RAP1B: variants seen among roughly 807,000 people sequenced by gnomAD.
The protein encoded by RAP1B is RAP1B, member of RAS oncogene family, also known as ras-related protein Rap-1b.
RAP1B carries 1 observed loss-of-function variant against 27.5 expected under a neutral mutation model. The ratio of observed to expected loss-of-function variants is 0.04; its 90% CI spans 0.01 to 0.17. The LOEUF (loss-of-function observed/expected upper bound fraction) is 0.17. RAP1B is among the 10% of genes least tolerant of loss of function. RAP1B has a pLI of 1.00. For synonymous variants in RAP1B, 75 were observed against 73.1 expected (o/e 1.03, Z -0.13); for missense variants, 84 against 214.8 (o/e 0.39, Z 3.81).
At chr12:68,642,119 C>G (rs968492545) in intron 1 of RAP1B, among the ~76,000 whole-genome samples, 1 of 152,116 alleles carries the variant, frequency 6.6e-6, no homozygotes, top group South Asian at 2.1e-4. Context: ...TTGGTTAATT[C>G]ATAGACTAAA....
At chr12:68,644,532 C>T (rs1322189647) in intron 1 of RAP1B, among the ~76,000 whole-genome samples, 3 of 150,526 alleles carry the variant, frequency 2.0e-5, no homozygotes, top group African/African-American at 7.3e-5. Context: ...TGCAGTGAGT[C>T]GAGATGGCGC....
At chr12:68,618,209 C>T (rs1415495377) in intron 1 of RAP1B, among the ~76,000 whole-genome samples, 3 of 149,286 alleles carry the variant, frequency 2.0e-5, no homozygotes, top group East Asian at 2.0e-4. Flanking sequence ...GCCTCAGCCT[C>T]TCGAGTAGCT....
intron 1 of RAP1B, among the ~76,000 whole-genome samples, chr12:68,640,102 G>GT (rs1345129581): frequency 6.6e-6 from 1 of 152,070 alleles, no homozygotes; most frequent in African/African-American, 2.4e-5. Context: ...GCCTCCCAGA[G>GT]TGCTGGGATT....
chr12:68,641,549 G>A (rs186609941), intron 1 of RAP1B, among the ~76,000 whole-genome samples: 2 of 152,178 alleles, frequency 1.3e-5, no homozygotes, highest in Admixed American at 6.5e-5. Context: ...AAATGAGTAA[G>A]GTAGTAGATA....
At chr12:68,650,332 C>G in intron 2 of RAP1B, 68 bp from the exon 3 acceptor site, 1 of 1,318,906 alleles carries the variant, frequency 7.6e-7, no homozygotes, top group Non-Finnish European at 1.0e-6. Flanking sequence ...ACTCAGTTTA[C>G]AATTACATTA....
At position 68,669,930 on chromosome 12, in the gene RAP1B, T is replaced by G. The variant is rs1244021362; in HGVS notation, c.*10681T>G. The G allele has an allele frequency of 1.7e-5, 2 of 115,668 alleles. No individual in the cohort carries two copies. Among genetic ancestry groups the G allele is most frequent in the African/African-American group, 6.0e-5 (2 of 33,236 alleles). The allele number at this position is 115,668 out of a possible 1,614,324, so 7.2% of individuals were successfully genotyped here. A position where few individuals can be genotyped will look rare whatever the true frequency, so the allele number is the denominator to read the frequency against. On this transcript the variant is annotated 3_prime_UTR_variant, in exon 8 of 8. Coordinates refer to ENST00000250559, the MANE Select transcript of RAP1B (RefSeq NM_001010942.3). ...TACGTGACAAAAATATATTTCTTTT[T>G]CTTTCTTTTTTTTTTTTTTTTTTTT...
intron 1 of RAP1B, among the ~76,000 whole-genome samples, chr12:68,639,056 T>C (rs1320809953): frequency 6.6e-5 from 10 of 152,244 alleles, no homozygotes; most frequent in African/African-American, 1.2e-4. Flanking sequence ...AAAGGGACTT[T>C]AGGGATCTAG....
rs1485915808 is a variant in RAP1B, at chr12:68,627,291, A to G, written c.-27+16248A>G. On this transcript the variant is annotated intron_variant, in intron 1 of 7. Transcript: ENST00000250559. The stretch of plus-strand genomic sequence containing the variant: ...ACAATACAACACACAGGCTGCATAC[A>G]CTACCAAGGAAGCTGCTGTTTGCAG... 2.7e-5 allele frequency: 23 copies of G among 848,452 alleles called. No individual in the cohort carries two copies. In the South Asian group the frequency reaches 2.8e-4, roughly 10 times the overall value. 52.6% of individuals were successfully genotyped at this position (848,452 alleles called of 1,614,324 possible).
intron 1 of RAP1B, chr12:68,648,209 C>T (rs1244197865): frequency 6.5e-6 from 1 of 153,796 alleles, no homozygotes; most frequent in African/African-American, 2.4e-5. Flanking sequence ...AGTTCTGCCT[C>T]TGATTCAAGA....
intron 1 of RAP1B, among the ~76,000 whole-genome samples, chr12:68,640,768 A>G (rs899245812): frequency 1.3e-5 from 2 of 152,150 alleles, no homozygotes; most frequent in African/African-American, 4.8e-5. Flanking sequence ...GCAATCCAGA[A>G]TGTTGGATAA....
At chr12:68,639,139 A>G (rs1872822695) in intron 1 of RAP1B, among the ~76,000 whole-genome samples, 1 of 152,182 alleles carries the variant, frequency 6.6e-6, no homozygotes, top group South Asian at 2.1e-4. Flanking sequence ...GGTTTATACA[A>G]TATTCATAAT....
At chr12:68,639,753 G>T (rs1872866579) in intron 1 of RAP1B, among the ~76,000 whole-genome samples, 1 of 152,044 alleles carries the variant, frequency 6.6e-6, no homozygotes, top group Non-Finnish European at 1.5e-5. Context: ...TCCCATTTAT[G>T]CCCCTTTTTG....
At chr12:68,615,428 A>G (rs2135908439) in intron 1 of RAP1B, among the ~76,000 whole-genome samples, 1 of 152,224 alleles carries the variant, frequency 6.6e-6, no homozygotes, top group Non-Finnish European at 1.5e-5. Flanking sequence ...ATACAATTCA[A>G]AATACAAAAA....
intron 1 of RAP1B, chr12:68,624,946 C>G (rs1228776323): frequency 6.6e-6 from 1 of 152,268 alleles, no homozygotes; most frequent in East Asian, 1.9e-4. Context: ...TCCATGTGTT[C>G]TTCAGATGCT....
intron 1 of RAP1B, among the ~76,000 whole-genome samples, chr12:68,632,551 CA>C (rs1872342398): frequency 6.6e-6 from 1 of 151,878 alleles, no homozygotes; most frequent in Non-Finnish European, 1.5e-5. Context: ...TAAAAAAGGC[CA>C]AAATGTGGGA....
At chr12:68,655,594 G>A (rs1032146680) in intron 5 of RAP1B, among the ~76,000 whole-genome samples, 3 of 141,052 alleles carry the variant, frequency 2.1e-5, no homozygotes, top group Admixed American at 7.4e-5. Context: ...GGAGTGCAAT[G>A]GCACGATCTC....
intron 1 of RAP1B, among the ~76,000 whole-genome samples, chr12:68,614,372 CTG>C (rs879469162): frequency 4.6e-4 from 70 of 152,290 alleles, no homozygotes; most frequent in African/African-American, 6.5e-4. Flanking sequence ...TGTAAAATAA[CTG>C]TGTTTCTCTG....
rs942215404 is a variant in RAP1B, at chr12:68,661,767, C to T, written c.*2518C>T. 8 of 151,974 alleles carry T rather than the reference C, an allele frequency of 5.3e-5. No individual in the cohort carries two copies. The highest frequency in any genetic ancestry group is 1.9e-4 in the African/African-American group (8 of 41,330). 9.4% of individuals were successfully genotyped at this position (151,974 alleles called of 1,614,324 possible). A position where few individuals can be genotyped will look rare whatever the true frequency, so the allele number is the denominator to read the frequency against. On this transcript the variant is annotated 3_prime_UTR_variant, in exon 8 of 8. Transcript: ENST00000250559. ...AAATCACCCTGGTGAAGAACTACTG[C>T]TCTGGTGGGAAACAACACATTAGTT...
At chr12:68,625,667 T>C (rs1358146681) in intron 1 of RAP1B, among the ~76,000 whole-genome samples, 1 of 152,158 alleles carries the variant, frequency 6.6e-6, no homozygotes, top group South Asian at 2.1e-4. Context: ...ATGCCTGTAA[T>C]CCCAACACTT....
Sources: allele counts gnomAD v4.1 joint callset (sites outside exome capture counted in the v4.1 genomes callset), GRCh38; gene constraint gnomAD v4.1.1; transcripts MANE v1.5; gene names NCBI Gene and HGNC (gene_info 2026-07-23, HGNC 2026-07-21).